Variants in THSD7B observed in about 807,000 individuals in gnomAD.
The protein encoded by THSD7B is thrombospondin type 1 domain containing 7B.
THSD7B carries 138 observed loss-of-function variants against 213.6 expected under a neutral mutation model. The observed-to-expected ratio is 0.65, with a 90% CI of 0.56 to 0.74. The LOEUF (loss-of-function observed/expected upper bound fraction) is 0.74. Ranked by LOEUF, THSD7B falls within the 30% of genes least tolerant of loss-of-function variation. The probability of loss-of-function intolerance (pLI) is 0.00; values close to 1 mark genes in which losing one functional copy is unlikely to be tolerated. For missense variants in THSD7B, 1,931 were observed against 1,991.5 expected (o/e 0.97, Z 0.58); for synonymous variants, 742 against 687.0 (o/e 1.08, Z -1.25).
intron 15 of THSD7B, among the ~76,000 whole-genome samples, chr2:137,546,445 T>A (rs12327966): frequency 0.037 from 752 of 20,366 alleles, 171 homozygotes; most frequent in African/African-American, 0.23. Context: ...TTATATATAT[T>A]ATATATATAT....
chr2:137,364,359 A>C (rs997855447), intron 12 of THSD7B, among the ~76,000 whole-genome samples: 3 of 152,114 alleles, frequency 2.0e-5, no homozygotes, highest in African/African-American at 7.2e-5. Flanking sequence ...ATCTCTCACC[A>C]CTCCTGTTCA....
intron 5 of THSD7B, among the ~76,000 whole-genome samples, chr2:137,147,306 CT>C (rs1679721884): frequency 6.6e-6 from 1 of 152,126 alleles, no homozygotes; most frequent in Non-Finnish European, 1.5e-5. Context: ...TTTAAAAATT[CT>C]GCGGACTCTT....
intron 12 of THSD7B, among the ~76,000 whole-genome samples, chr2:137,370,467 A>T (rs946870262): frequency 5.2e-4 from 79 of 152,100 alleles, no homozygotes; most frequent in African/African-American, 1.7e-3. Flanking sequence ...ACTCTGAATG[A>T]TAAGGGTTTT....
At chr2:136,785,868 A>G (rs994209712) in intron 1 of THSD7B, among the ~76,000 whole-genome samples, 112 of 152,348 alleles carry the variant, frequency 7.4e-4, no homozygotes, top group African/African-American at 2.5e-3. Context: ...TCCAGTTTGT[A>G]TGGCTATTAT....
At chr2:137,662,820 C>T (rs1289031171) in intron 25 of THSD7B, among the ~76,000 whole-genome samples, 2 of 151,922 alleles carry the variant, frequency 1.3e-5, no homozygotes, top group Non-Finnish European at 2.9e-5. Context: ...TTTGGGAAGC[C>T]GAGGTGGGAA....
chr2:137,559,968 C>A (rs894357241), intron 15 of THSD7B, among the ~76,000 whole-genome samples: 29 of 152,164 alleles, frequency 1.9e-4, no homozygotes, highest in Admixed American at 4.6e-4. Context: ...AAATGCTCAT[C>A]ATCACTGGCC....
At chr2:137,193,940 T>A (rs1028928298) in intron 7 of THSD7B, among the ~76,000 whole-genome samples, 1 of 150,844 alleles carries the variant, frequency 6.6e-6, no homozygotes, top group African/African-American at 2.4e-5. Flanking sequence ...TAGAGGAGAG[T>A]CTGAATTTGC....
chr2:136,775,523 A>G (rs1214475156), intron 1 of THSD7B, among the ~76,000 whole-genome samples: 1 of 152,122 alleles, frequency 6.6e-6, no homozygotes, highest in African/African-American at 2.4e-5. Flanking sequence ...GTCATTCAAT[A>G]TAAAAAATTA....
At chr2:137,485,626 C>T (rs1011094622) in intron 15 of THSD7B, among the ~76,000 whole-genome samples, 2 of 152,254 alleles carry the variant, frequency 1.3e-5, no homozygotes, top group East Asian at 1.9e-4. Context: ...GGGCAACGTT[C>T]AGATTCAGGA....
intron 12 of THSD7B, among the ~76,000 whole-genome samples, chr2:137,349,533 C>G (rs1374720348): frequency 2.0e-5 from 3 of 151,806 alleles, no homozygotes; most frequent in Admixed American, 6.6e-5. Context: ...AATTCATGAA[C>G]TTTTCAATTA....
intron 14 of THSD7B, among the ~76,000 whole-genome samples, chr2:137,429,238 A>C (rs1293532923): frequency 6.6e-6 from 1 of 152,188 alleles, no homozygotes; most frequent in Non-Finnish European, 1.5e-5. Flanking sequence ...AATTGTGGTA[A>C]TAGTTGTACA....
At chr2:137,645,213 C>T (rs1179945890) in intron 21 of THSD7B, among the ~76,000 whole-genome samples, 1 of 152,122 alleles carries the variant, frequency 6.6e-6, no homozygotes, top group East Asian at 1.9e-4. Flanking sequence ...TAGTAATAGA[C>T]ATAAGTTAAG....
intron 12 of THSD7B, among the ~76,000 whole-genome samples, chr2:137,293,338 A>G (rs77332113): frequency 6.6e-6 from 1 of 151,876 alleles, no homozygotes; most frequent in Non-Finnish European, 1.5e-5. Flanking sequence ...GGGTTTTGCC[A>G]TGTTGCCCAG....
intron 10 of THSD7B, among the ~76,000 whole-genome samples, chr2:137,245,588 A>T (rs918293971): frequency 6.6e-6 from 1 of 152,082 alleles, no homozygotes; most frequent in Non-Finnish European, 1.5e-5. Context: ...CATCCTATTC[A>T]TCCCCTTAAA....
chr2:137,503,709 C>A (rs1251830658), intron 15 of THSD7B, among the ~76,000 whole-genome samples: 1 of 152,090 alleles, frequency 6.6e-6, no homozygotes, highest in African/African-American at 2.4e-5. Context: ...TAAGCGGAAA[C>A]AACACCCACT....
In THSD7B at chr2:137,588,128, C is replaced by T. The variant is rs189930847; in HGVS notation, c.3423+15572C>T. 4.4e-3 allele frequency among the ~76,000 whole-genome samples: 663 copies of T among 152,294 alleles called. 3 individuals are homozygous for T. The highest frequency in any genetic ancestry group is 6.8e-3 in the Middle Eastern group (2 of 294). ...GAGGCTCCAAGGGCGTGGGACCCTC[C>T]GAGCCAGGCACGGGATATAATCTCC... On this transcript the variant is annotated intron_variant, in intron 17 of 27. Transcript: ENST00000409968.
chr2:137,257,074 C>T (rs1682328334), intron 10 of THSD7B, among the ~76,000 whole-genome samples: 1 of 152,098 alleles, frequency 6.6e-6, no homozygotes, highest in East Asian at 1.9e-4. Flanking sequence ...CTACGGGTCC[C>T]ACTCCCGTGA....
chr2:137,492,185 T>C (rs1202834010), intron 15 of THSD7B, among the ~76,000 whole-genome samples: 1 of 152,212 alleles, frequency 6.6e-6, no homozygotes, highest in Non-Finnish European at 1.5e-5. Flanking sequence ...TTGCCTACTT[T>C]CTGAACAAGT....
At chr2:137,249,788 GCTAC>G (rs1206093746) in intron 10 of THSD7B, among the ~76,000 whole-genome samples, 1 of 152,204 alleles carries the variant, frequency 6.6e-6, no homozygotes, top group Non-Finnish European at 1.5e-5. Flanking sequence ...ACGACAACGA[GCTAC>G]TTGCTACATC....
Sources: gnomAD v4.1 joint callset for allele counts (sites outside exome capture counted in the v4.1 genomes callset) on GRCh38, gnomAD v4.1.1 for gene constraint, MANE v1.5 for transcripts, NCBI Gene and HGNC (gene_info 2026-07-23, HGNC 2026-07-21) for gene names.